Variants in SDK2 observed in about 807,000 individuals in gnomAD.
SDK2 encodes sidekick cell adhesion molecule 2.
A neutral mutation model predicts 253.9 loss-of-function variants in SDK2; 105 were observed. The ratio of observed to expected loss-of-function variants is 0.41; its 90% CI spans 0.35 to 0.49. The LOEUF is 0.49. Ranked by LOEUF, SDK2 falls within the 20% of genes least tolerant of loss-of-function variation. The probability of loss-of-function intolerance (pLI) is 0.06; values close to 1 mark genes in which losing one functional copy is unlikely to be tolerated. For missense variants in SDK2, 2,608 were observed against 3,003.0 expected (o/e 0.87, Z 3.07); for synonymous variants, 1,249 against 1,234.9 (o/e 1.01, Z -0.24).
intron 1 of SDK2, among the ~76,000 whole-genome samples, chr17:73,613,514 C>T (rs1814334938): frequency 6.6e-6 from 1 of 152,134 alleles, no homozygotes; most frequent in Non-Finnish European, 1.5e-5. Context: ...CCATTTCATC[C>T]GCTTTCCATG....
At chr17:73,464,194 G>A (rs904843364) in intron 3 of SDK2, among the ~76,000 whole-genome samples, 7 of 151,876 alleles carry the variant, frequency 4.6e-5, no homozygotes, top group South Asian at 2.1e-4. Context: ...TGTCCCCACC[G>A]AAATCTCACT....
intron 1 of SDK2, chr17:73,641,011 T>C (rs1487805227): frequency 6.6e-6 from 1 of 152,212 alleles, no homozygotes; most frequent in Admixed American, 6.5e-5. Flanking sequence ...CCAATCAGTG[T>C]CTGGGAGCGG....
At chr17:73,491,790 C>A (rs989937585) in intron 2 of SDK2, among the ~76,000 whole-genome samples, 4 of 152,166 alleles carry the variant, frequency 2.6e-5, no homozygotes, top group Non-Finnish European at 5.9e-5. Flanking sequence ...TCAGAGATAC[C>A]AAGTGGGAGA....
intron 38 of SDK2, among the ~76,000 whole-genome samples, chr17:73,364,422 T>TG (rs1220181964): frequency 6.6e-6 from 1 of 152,044 alleles, no homozygotes; most frequent in African/African-American, 2.4e-5. Context: ...CAGATAGCAG[T>TG]GGGGGGTGCA....
rs2046086193 is a variant in SDK2, at chr17:73,618,321, C to T, written c.64+25704G>A. On this transcript the variant is annotated intron_variant, in intron 1 of 44. Coordinates refer to ENST00000392650, the MANE Select transcript of SDK2 (RefSeq NM_001144952.2). This position sits in a 1 kb window ranked among gnomAD's most constrained non-coding sequence, Gnocchi z 4.1. ...GGGCAGAAATGGCCGTTCATGCCAACTGGCCTCTCCCCATGGAGAGGGAGA... is the reference window on the plus strand; with the variant it reads ...GGGCAGAAATGGCCGTTCATGCCAATTGGCCTCTCCCCATGGAGAGGGAGA... 6.6e-6 allele frequency among the ~76,000 whole-genome samples: 1 copy of T among 152,190 alleles called. No homozygotes were observed. The highest frequency in any genetic ancestry group is 2.4e-5 in the African/African-American group (1 of 41,452).
chr17:73,511,127 G>A lies in SDK2; in HGVS notation c.65-3530C>T, dbSNP rs947368264. 1.3e-5 allele frequency among the ~76,000 whole-genome samples: 2 copies of A among 152,188 alleles called. No homozygotes were observed. The highest frequency in any genetic ancestry group is 2.9e-5 in the Non-Finnish European group (2 of 68,038). On this transcript the variant is annotated intron_variant, in intron 1 of 44. Transcript: ENST00000392650. The surrounding 1 kb of genome is among the most constrained non-coding windows in gnomAD (Gnocchi z 4.9). ...ATGGGCACATTCTTACTTCAAAGGC[G>A]CATTCATATTCTCCAGCAGCTTTCA...
At position 73,414,661 on chromosome 17, in the gene SDK2, T is replaced by C; in HGVS notation, c.2467A>G (p.Ile823Val). The change falls in exon 18 of 45, where the codon ATC becomes GTC. Residue 823 changes from isoleucine to valine, a missense_variant. This residue lies in a region of SDK2 where 1,505 missense variants were observed against 1,859.1 expected (regional missense o/e 0.81). Transcript: ENST00000392650. ...TCATGTACCTTGTAGCCCTGGTTGA[T>C]GCCGTTGATGAACTGGGGGCTGGGG... ...NAPSPQFINGINQGYKLIAWE... is the reference protein window; with the variant it reads ...NAPSPQFINGVNQGYKLIAWE... 1 of 1,613,824 alleles carries C rather than the reference T, an allele frequency of 6.2e-7. No individual in the cohort carries two copies. The highest frequency in any genetic ancestry group is 8.5e-7 in the Non-Finnish European group (1 of 1,179,788).
intron 2 of SDK2, among the ~76,000 whole-genome samples, chr17:73,506,099 G>T (rs1009979730): frequency 6.6e-6 from 1 of 152,260 alleles, no homozygotes; most frequent in African/African-American, 2.4e-5. Context: ...CTACTTGCAC[G>T]TGTGGTATGC....
At chr17:73,614,232 C>G (rs886777781) in intron 1 of SDK2, among the ~76,000 whole-genome samples, 3 of 152,252 alleles carry the variant, frequency 2.0e-5, no homozygotes, top group African/African-American at 7.2e-5. Context: ...GGAAAGTACC[C>G]CCACCTTCTG....
intron 2 of SDK2, among the ~76,000 whole-genome samples, chr17:73,480,752 AAGAGAGACAGGGGACAGAGACAG>A (rs1260463745): frequency 2.0e-5 from 3 of 151,994 alleles, no homozygotes; most frequent in African/African-American, 4.8e-5. Context: ...GAAAGAGACA[AAGAGAGACAGGGGACAGAGACAG>A]AGAGGTAAAG....
Position 73,338,675 on chromosome 17 carries a change from G to C in SDK2, c.6431C>G (p.Pro2144Arg). ...TPTPQNPPNP[P>R]SQQSTLYRPP... is the part of the protein sequence containing the mutation. ...ACGGTAGAGGGTGCTCTGCTGACTTGGGGGGTTAGGGGGGTTCTGGGGCGT... is the reference window on the plus strand; with the variant it reads ...ACGGTAGAGGGTGCTCTGCTGACTTCGGGGGTTAGGGGGGTTCTGGGGCGT... The change falls in exon 45 of 45, where the codon CCA becomes CGA. Residue 2144 changes from proline to arginine, a missense_variant. By Grantham distance (103) the Pro-to-Arg change is moderately radical (BLOSUM62 -2). Transcript: ENST00000392650. The surrounding 1 kb of genome is among the most constrained non-coding windows in gnomAD (Gnocchi z 5.0). The C allele has an allele frequency of 1.3e-6, 2 of 1,587,402 alleles. No homozygotes were observed. Among genetic ancestry groups the C allele is most frequent in the African/African-American group, 1.4e-5 (1 of 73,880 alleles).
At chr17:73,538,183 C>G (rs905205005) in intron 1 of SDK2, among the ~76,000 whole-genome samples, 2 of 152,188 alleles carry the variant, frequency 1.3e-5, no homozygotes, top group Admixed American at 1.3e-4. Context: ...GACAGACTGA[C>G]CTCCAGTAGG....
intron 1 of SDK2, chr17:73,519,823 T>G (rs1292292749): frequency 1.3e-5 from 2 of 152,078 alleles, no homozygotes; most frequent in African/African-American, 4.8e-5. Context: ...CACGAGTCGC[T>G]CTCTGCACGG....
chr17:73,596,306 C>G (rs1483297375), intron 1 of SDK2, among the ~76,000 whole-genome samples: 3 of 152,088 alleles, frequency 2.0e-5, no homozygotes, highest in African/African-American at 7.2e-5. Context: ...AAGGTGTCAA[C>G]ACACCTGGGT....
At chr17:73,468,059 C>G (rs1277515649) in intron 3 of SDK2, among the ~76,000 whole-genome samples, 1 of 152,082 alleles carries the variant, frequency 6.6e-6, no homozygotes, top group Non-Finnish European at 1.5e-5. Context: ...TCTGGGGGCA[C>G]CTGGAGCTCT....
At chr17:73,505,299 G>A (rs993032203) in intron 2 of SDK2, among the ~76,000 whole-genome samples, 1 of 152,130 alleles carries the variant, frequency 6.6e-6, no homozygotes, top group Admixed American at 6.5e-5. Flanking sequence ...CTGACTTTAG[G>A]TGATGTCTTT....
In SDK2 at chr17:73,514,190, C is replaced by T. The variant is rs540304122; in HGVS notation, c.65-6593G>A. Among the ~76,000 whole-genome samples the T allele has an allele frequency of 5.9e-5, 9 of 152,230 alleles. 1 individual carries two copies. Among genetic ancestry groups the T allele is most frequent in the Non-Finnish European group, 1.2e-4 (8 of 68,012 alleles). On this transcript the variant is annotated intron_variant, in intron 1 of 44. Coordinates refer to ENST00000392650, the MANE Select transcript of SDK2 (RefSeq NM_001144952.2). ...CTCTGTGTGTCATTTAGGCATGTCA[C>T]GTGGCTCGGAGGTCCCGGACCAGCA... is the stretch of plus-strand genomic sequence containing the variant.
chr17:73,574,463 G>C (rs1034228096), intron 1 of SDK2, among the ~76,000 whole-genome samples: 1 of 149,024 alleles, frequency 6.7e-6, no homozygotes, highest in Non-Finnish European at 1.5e-5. Flanking sequence ...ACACATACAC[G>C]CCTCGCTGAT....
chr17:73,558,642 A>T (rs1277307286), intron 1 of SDK2, among the ~76,000 whole-genome samples: 1 of 152,208 alleles, frequency 6.6e-6, no homozygotes, highest in East Asian at 1.9e-4. Flanking sequence ...AGCCAGGTTC[A>T]AATCCAGCTT....
Sources: allele counts gnomAD v4.1 joint callset (sites outside exome capture counted in the v4.1 genomes callset), GRCh38; gene constraint gnomAD v4.1.1; regional missense constraint gnomAD v4.1.1; non-coding constraint Gnocchi (gnomAD v3.1); transcripts MANE v1.5; gene names NCBI Gene and HGNC (gene_info 2026-07-23, HGNC 2026-07-21).